The following SHANK1 variants were observed in gnomAD, a reference collection of about 807,000 sequenced individuals.
The protein encoded by SHANK1 is SH3 and multiple ankyrin repeat domains 1.
A neutral mutation model predicts 165.6 loss-of-function variants in SHANK1; 35 were observed. The ratio of observed to expected loss-of-function variants is 0.21; its 90% CI spans 0.16 to 0.28. SHANK1 has a LOEUF of 0.28. Ranked by LOEUF, SHANK1 falls within the 10% of genes least tolerant of loss-of-function variation. The pLI is 1.00. For missense variants in SHANK1, 2,681 were observed against 3,036.4 expected (o/e 0.88, Z 2.75); for synonymous variants, 1,428 against 1,384.8 (o/e 1.03, Z -0.69).
chr19:50,695,357 C>G (rs1431985856), intron 15 of SHANK1, among the ~76,000 whole-genome samples: 5 of 146,158 alleles, frequency 3.4e-5, no homozygotes, highest in Non-Finnish European at 7.6e-5. Flanking sequence ...GGGCGGCGGG[C>G]GCGAGGCTTA....
intron 8 of SHANK1, among the ~76,000 whole-genome samples, chr19:50,710,535 T>C (rs1316166472): frequency 1.3e-5 from 2 of 152,156 alleles, no homozygotes; most frequent in Admixed American, 6.5e-5. Flanking sequence ...CTCAGGTGGC[T>C]AAAGTACCAG....
chr19:50,701,053 A>G (rs1986899473), intron 12 of SHANK1, among the ~76,000 whole-genome samples: 1 of 152,034 alleles, frequency 6.6e-6, no homozygotes, highest in Non-Finnish European at 1.5e-5. Context: ...TACACAGCCC[A>G]CCTGATGTTC....
chr19:50,671,988 C>T, intron 22 of SHANK1, 30 bp downstream of exon 22: 3 of 1,541,252 alleles, frequency 1.9e-6, no homozygotes, highest in Non-Finnish European at 9.0e-7. Context: ...CCTCCCCCAG[C>T]CCCCACATCT....
At chr19:50,694,991 C>CACCGGGGCCGCCCCCGAG (rs1459813119) in intron 15 of SHANK1, among the ~76,000 whole-genome samples, 1 of 149,222 alleles carries the variant, frequency 6.7e-6, no homozygotes, top group East Asian at 2.0e-4. Context: ...AGGGAGCTCC[C>CACCGGGGCCGCCCCCGAG]ACCGGGGCCG....
At position 50,661,713 on chromosome 19, in the gene SHANK1, C is replaced by T; in HGVS notation, c.*252G>A. The T allele has an allele frequency of 1.9e-6, 1 of 522,848 alleles. No individual in the cohort carries two copies. Among genetic ancestry groups the T allele is most frequent in the Non-Finnish European group, 3.4e-6 (1 of 293,530 alleles). The allele number at this position is 522,848 out of a possible 1,614,324, so 32.4% of individuals were successfully genotyped here. On this transcript the variant is annotated 3_prime_UTR_variant, in exon 24 of 24. Transcript: ENST00000293441. The stretch of plus-strand genomic sequence containing the variant: ...CCTTCTCAATTCCCCTCTGTAATTT[C>T]TCCTATCCCCCCTCCGCTCCCCGCT...
rs991820013 is a variant in SHANK1, at chr19:50,719,474, A to G, written c.-112T>C. On this transcript the variant is annotated 5_prime_UTR_variant, in exon 1 of 24. Transcript: ENST00000293441. ...CCCCTCCCCCCTCCCCCCACCCCCCACCCCCCCGGAGACGGGGACCCTCAG... is the reference window on the plus strand; with the variant it reads ...CCCCTCCCCCCTCCCCCCACCCCCCGCCCCCCCGGAGACGGGGACCCTCAG... 5.9e-5 allele frequency: 2 copies of G among 33,962 alleles called. No individual in the cohort carries two copies. The highest frequency in any genetic ancestry group is 1.2e-4 in the Non-Finnish European group (2 of 16,418). 2.1% of individuals were successfully genotyped at this position (33,962 alleles called of 1,614,324 possible). A position where few individuals can be genotyped will look rare whatever the true frequency, so the allele number is the denominator to read the frequency against.
chr19:50,682,213 G>A (rs1052202734), intron 21 of SHANK1, among the ~76,000 whole-genome samples: 1 of 151,930 alleles, frequency 6.6e-6, no homozygotes, highest in Non-Finnish European at 1.5e-5. Context: ...ACACCACCAC[G>A]CCCAGCTAAT....
Position 50,709,401 on chromosome 19 carries a change from A to C in SHANK1, c.1077+1970T>G, listed in dbSNP as rs1051461290. ...AGTGATCCGCCCGCCTCGGCCTCCC[A>C]AAGTGCTGGAATTACAGGCGTGAGC... On this transcript the variant is annotated intron_variant, in intron 8 of 23. Transcript: ENST00000293441. 2.6e-5 allele frequency among the ~76,000 whole-genome samples: 4 copies of C among 152,242 alleles called. No homozygotes were observed. The East Asian group carries it at 7.7e-4, about 29-fold the overall frequency.
Position 50,686,908 on chromosome 19 carries a change from G to C in SHANK1, c.2390-96C>G. 2.8e-6 allele frequency: 4 copies of C among 1,453,416 alleles called. No individual in the cohort carries two copies. The highest frequency in any genetic ancestry group is 3.7e-6 in the Non-Finnish European group (4 of 1,077,526). 90.0% of individuals were successfully genotyped at this position (1,453,416 alleles called of 1,614,324 possible). ...GCGTGGCCAGCAGGTGCGGGCCAGTGGGCGTGGCGGGCGCGAGAGGGGCAG... is the reference window on the plus strand; with the variant it reads ...GCGTGGCCAGCAGGTGCGGGCCAGTCGGCGTGGCGGGCGCGAGAGGGGCAG... On this transcript the variant is annotated intron_variant, in intron 19 of 23. Coordinates refer to ENST00000293441, the MANE Select transcript of SHANK1 (RefSeq NM_016148.5). This position sits in a 1 kb window ranked among gnomAD's most constrained non-coding sequence, Gnocchi z 5.7.
intron 21 of SHANK1, among the ~76,000 whole-genome samples, chr19:50,673,407 C>T (rs553609480): frequency 5.1e-4 from 78 of 152,264 alleles, no homozygotes; most frequent in African/African-American, 1.8e-3. Context: ...CTCTGTCAGC[C>T]CCAGGTCTAC....
Position 50,667,649 on chromosome 19 carries a change from C to G in SHANK1, c.4311G>C (p.Pro1437=), listed in dbSNP as rs765641431. ...GTAGCAGGGAACGCCGGGCGGCGGG[C>G]GGGCTGGCGGGAAGGGACTTCTCCT... is the stretch of plus-strand genomic sequence containing the variant. ...GSQEKSLPAS[P]PAARRSLLHR... is the part of the protein sequence containing the mutation. Residue 1437 remains proline, a synonymous_variant, in exon 23 of 24, where the codon CCG becomes CCC. Transcript: ENST00000293441. This position sits in a 1 kb window ranked among gnomAD's most constrained non-coding sequence, Gnocchi z 5.7. 7.1e-7 allele frequency: 1 copy of G among 1,401,512 alleles called. No individual in the cohort carries two copies. The allele number at this position is 1,401,512 out of a possible 1,614,324, so 86.8% of individuals were successfully genotyped here. A position where few individuals can be genotyped will look rare whatever the true frequency, so the allele number is the denominator to read the frequency against.
chr19:50,687,416 C>T (rs1986387622), intron 19 of SHANK1, among the ~76,000 whole-genome samples, 166 bp downstream of exon 19: 1 of 152,084 alleles, frequency 6.6e-6, no homozygotes, highest in South Asian at 2.1e-4. Context: ...TCAGACACCC[C>T]TTCCCAGAGA....
intron 21 of SHANK1, among the ~76,000 whole-genome samples, chr19:50,674,790 G>A (rs1368371255): frequency 1.3e-5 from 2 of 152,072 alleles, no homozygotes; most frequent in Admixed American, 6.6e-5. Flanking sequence ...TGCTGGGCAC[G>A]GTGGCTCATG....
In SHANK1 at chr19:50,689,273, G is replaced by A; in HGVS notation, c.1971C>T (p.Tyr657=). Residue 657 remains tyrosine, a synonymous_variant, in exon 16 of 24, where the codon TAC becomes TAT. Coordinates refer to ENST00000293441, the MANE Select transcript of SHANK1 (RefSeq NM_016148.5). ...LMDGIGPGSD[Y]IIKEKTVLLQ... is the part of the protein sequence containing the mutation. ...GCAAGACTGTCTTCTCCTTAATGAT[G>A]TAATCGCTGGCAGGGAGGCAGGAGA... The A allele has an allele frequency of 1.3e-6, 2 of 1,591,168 alleles. No homozygotes were observed. The highest frequency in any genetic ancestry group is 1.1e-5 in the South Asian group (1 of 90,220).
rs953726388 is a variant in SHANK1, at chr19:50,713,258, G to A, written c.792+540C>T. The stretch of plus-strand genomic sequence containing the variant: ...TTTAAAATTAGACTGTGCAGCTGCC[G>A]CTGTGTATGTATTTTGTGGGTGTAT... On this transcript the variant is annotated intron_variant, in intron 6 of 23. Transcript: ENST00000293441. The surrounding 1 kb of genome is among the most constrained non-coding windows in gnomAD (Gnocchi z 6.2). Among the ~76,000 whole-genome samples, 3 of 152,102 alleles carry A rather than the reference G, an allele frequency of 2.0e-5. No individual in the cohort carries two copies. Among genetic ancestry groups the A allele is most frequent in the Non-Finnish European group, 2.9e-5 (2 of 68,024 alleles).
In SHANK1 at chr19:50,669,220, C is replaced by G; in HGVS notation, c.2740G>C (p.Val914Leu). ...PAMKFSRSLS[V>L]PGSEDIPPPP... is the part of the protein sequence containing the mutation. ...GGGGGAATGTCCTCCGAACCAGGCACAGACAGGCTGCGGCTGAATTTCATG... is the reference window on the plus strand; with the variant it reads ...GGGGGAATGTCCTCCGAACCAGGCAGAGACAGGCTGCGGCTGAATTTCATG... Residue 914 changes from valine to leucine, a missense_variant, in exon 23 of 24, where the codon GTG becomes CTG. Physicochemically the swap from Val to Leu is conservative, Grantham distance 32. Around this residue, in one of 10 missense-constraint regions of SHANK1, gnomAD observed 206 missense variants for 216.0 expected, o/e 0.95. Coordinates refer to ENST00000293441, the MANE Select transcript of SHANK1 (RefSeq NM_016148.5). 6.2e-7 allele frequency: 1 copy of G among 1,611,852 alleles called. No homozygotes were observed. The highest frequency in any genetic ancestry group is 1.1e-5 in the South Asian group (1 of 90,672).
chr19:50,666,681 C>A lies in SHANK1; in HGVS notation c.5279G>T (p.Arg1760Leu), dbSNP rs745821343. The part of the protein sequence containing the change: ...QLMTPSKLRG[R>L]ALGASGGLRP... ...CAGGCCTCCGCTGGCTCCTAGCGCC[C>A]GGCCCCGGAGCTTAGAGGGAGTCAT... The change falls in exon 23 of 24, where the codon CGG becomes CTG. Residue 1760 changes from arginine to leucine, a missense_variant. Arg to Leu is a moderately radical substitution (Grantham distance 102, BLOSUM62 -2). Transcript: ENST00000293441. The A allele has an allele frequency of 6.3e-7, 1 of 1,585,326 alleles. No individual in the cohort carries two copies. The highest frequency in any genetic ancestry group is 8.6e-7 in the Non-Finnish European group (1 of 1,168,616).
chr19:50,714,248 A>G lies in SHANK1; in HGVS notation c.574T>C (p.Ser192Pro), dbSNP rs770268967. The G allele has an allele frequency of 3.1e-6, 5 of 1,614,114 alleles. No individual in the cohort carries two copies. Among genetic ancestry groups the G allele is most frequent in the Non-Finnish European group, 4.2e-6 (5 of 1,180,014 alleles). Residue 192 changes from serine to proline, a missense_variant, in exon 5 of 24, where the codon TCT becomes CCT. Physicochemically the swap from Ser to Pro is moderately conservative, Grantham distance 74. Around this residue, in one of 10 missense-constraint regions of SHANK1, gnomAD observed 189 missense variants for 440.9 expected, o/e 0.43. Coordinates refer to ENST00000293441, the MANE Select transcript of SHANK1 (RefSeq NM_016148.5). ...TCCAGCAGCCGCGCCACCTTGTCAGATGTCCCGAGCTGCACATACTCCAGG... is the reference window on the plus strand; with the variant it reads ...TCCAGCAGCCGCGCCACCTTGTCAGGTGTCCCGAGCTGCACATACTCCAGG... ...KFLEYVQLGT[S>P]DKVARLLDKG...
At chr19:50,684,569 T>C (rs2123123515) in intron 21 of SHANK1, among the ~76,000 whole-genome samples, 1 of 152,272 alleles carries the variant, frequency 6.6e-6, no homozygotes, top group South Asian at 2.1e-4. Context: ...CTCCAGAGCA[T>C]GAGGGATTGT....
Sources: allele counts gnomAD v4.1 joint callset (sites outside exome capture counted in the v4.1 genomes callset), GRCh38; gene constraint gnomAD v4.1.1; regional missense constraint gnomAD v4.1.1; non-coding constraint Gnocchi (gnomAD v3.1); transcripts MANE v1.5; gene names NCBI Gene and HGNC (gene_info 2026-07-23, HGNC 2026-07-21).